The following DDX59 variants were observed in gnomAD, a reference collection of about 807,000 sequenced individuals.
DDX59 encodes the protein DEAD-box helicase 59, also known as probable ATP-dependent RNA helicase DDX59.
In DDX59, 30 loss-of-function variants were observed where a neutral mutation model predicts 51.9. That is an observed-to-expected ratio of 0.58 (90% CI 0.43 to 0.78). The LOEUF (loss-of-function observed/expected upper bound fraction) is 0.78, where lower values mean the gene tolerates loss of function less well. DDX59 is among the 30% of genes least tolerant of loss of function. The pLI, the probability that DDX59 is intolerant of heterozygous loss-of-function variation, is 0.00. For missense variants in DDX59, 672 were observed against 730.8 expected (o/e 0.92, Z 0.93); for synonymous variants, 255 against 253.3 (o/e 1.01, Z -0.06).
At chr1:200,659,350 A>T (rs1265917134) in intron 3 of DDX59, among the ~76,000 whole-genome samples, 12 of 152,318 alleles carry the variant, frequency 7.9e-5, no homozygotes, top group Non-Finnish European at 1.3e-4. Flanking sequence ...AACTGGAGGG[A>T]CCTATCCAGT....
rs1663053522 is a variant in DDX59, at chr1:200,669,825, A to G, written c.-70T>C. On this transcript the variant is annotated 5_prime_UTR_variant, in exon 1 of 8. Transcript: ENST00000331314. ...CCCGCTCGGGCCGTCTCCCCCTTCC[A>G]GGCTCCAGGCCAGGCTTCCGCCCGA... 1 of 152,746 alleles carries G rather than the reference A, an allele frequency of 6.5e-6. No individual in the cohort carries two copies. The highest frequency in any genetic ancestry group is 1.5e-5 in the Non-Finnish European group (1 of 68,426). 9.5% of individuals were successfully genotyped at this position (152,746 alleles called of 1,614,324 possible).
chr1:200,661,015 T>C (rs1210965939), intron 3 of DDX59, among the ~76,000 whole-genome samples: 1 of 152,224 alleles, frequency 6.6e-6, no homozygotes, highest in African/African-American at 2.4e-5. Flanking sequence ...ATCTTTCTTT[T>C]TAAATACTAT....
At chr1:200,659,251 A>T in intron 3 of DDX59, 135 bp from the exon 4 acceptor site, 2 of 635,050 alleles carry the variant, frequency 3.1e-6, no homozygotes, top group Non-Finnish European at 5.6e-6. Flanking sequence ...AATAAGCCAG[A>T]CATAGTCTCT....
chr1:200,654,231 G>A (rs1443783302), intron 4 of DDX59, among the ~76,000 whole-genome samples: 1 of 152,090 alleles, frequency 6.6e-6, no homozygotes, highest in African/African-American at 2.4e-5. Context: ...GGCTAACACG[G>A]TGAAATCTCA....
At chr1:200,664,169 G>GAAC in intron 2 of DDX59, 83 bp from the exon 3 acceptor site, 1 of 1,460,402 alleles carries the variant, frequency 6.8e-7, no homozygotes, top group South Asian at 1.4e-5. Flanking sequence ...AGGATTCCAG[G>GAAC]AACATGGCCC....
intron 3 of DDX59, among the ~76,000 whole-genome samples, chr1:200,661,637 A>G (rs1191735793): frequency 6.6e-6 from 1 of 152,258 alleles, no homozygotes; most frequent in Non-Finnish European, 1.5e-5. Flanking sequence ...AGCTGTTTCA[A>G]ATTGAAGGAG....
intron 4 of DDX59, among the ~76,000 whole-genome samples, chr1:200,655,973 G>A (rs1041160739): frequency 6.6e-6 from 1 of 152,130 alleles, no homozygotes; most frequent in African/African-American, 2.4e-5. Flanking sequence ...TGGGATTACA[G>A]GCACGCGCCA....
In DDX59 at chr1:200,666,436, TC is replaced by T. The variant is rs1558132400; in HGVS notation, c.304del (p.Glu102AsnfsTer61). 6.2e-7 allele frequency: 1 copy of T among 1,614,232 alleles called. No individual in the cohort carries two copies. Among genetic ancestry groups the T allele is most frequent in the South Asian group, 1.1e-5 (1 of 91,084 alleles). ...KSFSKTQRWAEPGEPICVVCG... is the reference protein window; with the variant it reads ...KSFSKTQRWAXPGEPICVVCG... ...GACAACACAGATGGGTTCCCCTGGT[TC>T]TGCCCAGCGCTGTGTTTTGGAAAAT... On this transcript the variant is annotated frameshift_variant, in exon 2 of 8. Transcript: ENST00000331314. LOFTEE classifies it high-confidence loss of function.
chr1:200,663,939 G>T lies in DDX59; in HGVS notation c.952C>A (p.Arg318Ser). Residue 318 changes from arginine (R) to serine (S), a missense_variant, in exon 3 of 8, where the codon CGT becomes AGT. Transcript: ENST00000331314. ...CTTACCTTAACATGTTGTTGCAGAC[G>T]ATAAAGCTGTGGGGGTAAGGGTAAG... ...GGLPLPPQLY[R>S]LQQHVKVIIA... 1 of 1,612,574 alleles carries T rather than the reference G, an allele frequency of 6.2e-7. No individual in the cohort carries two copies. Among genetic ancestry groups the T allele is most frequent in the Non-Finnish European group, 8.5e-7 (1 of 1,179,560 alleles).
intron 4 of DDX59, chr1:200,654,413 C>A (rs1215586623): frequency 6.6e-6 from 1 of 151,854 alleles, no homozygotes; most frequent in Non-Finnish European, 1.5e-5. Flanking sequence ...AAAGAATTGC[C>A]TGAGGGGAAA....
At chr1:200,667,144 C>A (rs1335651075) in intron 1 of DDX59, among the ~76,000 whole-genome samples, 1 of 151,508 alleles carries the variant, frequency 6.6e-6, no homozygotes, top group Non-Finnish European at 1.5e-5. Context: ...GTGGCTCACA[C>A]CTGTAATCCC....
intron 5 of DDX59, among the ~76,000 whole-genome samples, chr1:200,649,732 TCTTAATTTTCCATCA>T (rs903571376): frequency 6.6e-6 from 1 of 152,028 alleles, no homozygotes; most frequent in African/African-American, 2.4e-5. Context: ...CTATTGCCCC[TCTTAATTTTCCATCA>T]CTTAATACTC....
At position 200,650,553 on chromosome 1, in the gene DDX59, TTGCTAGCTGTTCTA is replaced by T; in HGVS notation, c.1172_1185del (p.Ile391LysfsTer6). On this transcript the variant is annotated frameshift_variant, in exon 5 of 8. Transcript: ENST00000331314. LOFTEE classifies it high-confidence loss of function. ...CTCACAGGATTATGCAGAAGCTGGC[TTGCTAGCTGTTCTA>T]TGCTAGTTGGAATTGTGGCTGAAAC... 6.2e-7 allele frequency: 1 copy of T among 1,614,136 alleles called. No homozygotes were observed. Among genetic ancestry groups the T allele is most frequent in the Non-Finnish European group, 8.5e-7 (1 of 1,179,992 alleles).
At chr1:200,654,458 A>C (rs962755127) in intron 4 of DDX59, 2 of 152,126 alleles carry the variant, frequency 1.3e-5, no homozygotes, top group Non-Finnish European at 2.9e-5. Context: ...GAGTTTGTAG[A>C]GATTCCTGGC....
chr1:200,647,774 C>A (rs1661379139), intron 7 of DDX59, among the ~76,000 whole-genome samples: 2 of 151,546 alleles, frequency 1.3e-5, no homozygotes, highest in Middle Eastern at 6.8e-3. Context: ...GAGTTTGAGA[C>A]CAGCCTAGCC....
chr1:200,664,128 A>G (rs375527987), intron 2 of DDX59, 42 bp from the exon 3 acceptor site: 2 of 1,589,312 alleles, frequency 1.3e-6, no homozygotes, highest in African/African-American at 1.4e-5. Flanking sequence ...ACCAGCAATT[A>G]ATTCCTGCTG....
chr1:200,659,502 G>A (rs1426022039), intron 3 of DDX59, among the ~76,000 whole-genome samples: 1 of 151,296 alleles, frequency 6.6e-6, no homozygotes, highest in African/African-American at 2.4e-5. Flanking sequence ...GGAGAATGGG[G>A]CAGGCTGAGG....
intron 4 of DDX59, among the ~76,000 whole-genome samples, chr1:200,652,074 T>C (rs1409630836): frequency 1.3e-5 from 2 of 152,074 alleles, no homozygotes; most frequent in African/African-American, 4.8e-5. Context: ...GTGTCTATAA[T>C]TTGGGAACAA....
chr1:200,640,914 G>A (rs935067262), downstream of DDX59: 5 of 189,150 alleles, frequency 2.6e-5, 1 homozygote, highest in South Asian at 2.1e-4. Flanking sequence ...ATCATCACAC[G>A]TGCAACACAT....
Sources: gnomAD v4.1 joint callset for allele counts (sites outside exome capture counted in the v4.1 genomes callset) on GRCh38, gnomAD v4.1.1 for gene constraint, MANE v1.5 for transcripts, NCBI Gene and HGNC (gene_info 2026-07-23, HGNC 2026-07-21) for gene names.